The following NCAM2 variants were observed in gnomAD, a reference collection of about 807,000 sequenced individuals.
NCAM2 encodes N-CAM-2.
NCAM2 carries 30 observed loss-of-function variants against 98.1 expected under a neutral mutation model. The ratio of observed to expected loss-of-function variants is 0.31; its 90% confidence interval spans 0.23 to 0.41. NCAM2 has a LOEUF of 0.41. Among genes scored for constraint, NCAM2 ranks in the 10% least tolerant of loss-of-function variants. The probability of loss-of-function intolerance (pLI) is 1.00; values close to 1 mark genes in which losing one functional copy is unlikely to be tolerated. For synonymous variants in NCAM2, 368 were observed against 342.4 expected (o/e 1.07, Z -0.83); for missense variants, 867 against 1,005.8 (o/e 0.86, Z 1.87).
At chr21:21,170,834 AG>A (rs11295988) in intron 1 of NCAM2, among the ~76,000 whole-genome samples, 55,023 of 151,862 alleles carry the variant, frequency 0.36, 10,511 homozygotes, top group Non-Finnish European at 0.44. Flanking sequence ...GTGTTCCTAG[AG>A]GGGGGAAGGC....
chr21:21,037,496 AGTTGATT>A (rs1377586397), intron 1 of NCAM2, among the ~76,000 whole-genome samples: 4 of 152,194 alleles, frequency 2.6e-5, no homozygotes. Flanking sequence ...AATGATTTTT[AGTTGATT>A]ATTCACTTAA....
chr21:21,242,543 T>C (rs2071103453), intron 1 of NCAM2, among the ~76,000 whole-genome samples: 1 of 152,218 alleles, frequency 6.6e-6, no homozygotes, highest in African/African-American at 2.4e-5. Flanking sequence ...TCTCTACTTC[T>C]ATGGGTTCAC....
At chr21:21,134,081 T>C (rs1329088253) in intron 1 of NCAM2, among the ~76,000 whole-genome samples, 44 of 101,968 alleles carry the variant, frequency 4.3e-4, no homozygotes, top group Non-Finnish European at 5.3e-4. Flanking sequence ...TTTTTTTTTT[T>C]CCCCTGAGAT....
intron 9 of NCAM2, among the ~76,000 whole-genome samples, chr21:21,397,779 T>C (rs992817317): frequency 6.6e-6 from 1 of 152,144 alleles, no homozygotes; most frequent in Middle Eastern, 3.2e-3. Context: ...CTCTGTGGAG[T>C]GCACAAACCT....
At chr21:21,203,432 G>T (rs1351302061) in intron 1 of NCAM2, among the ~76,000 whole-genome samples, 1 of 152,056 alleles carries the variant, frequency 6.6e-6, no homozygotes, top group Admixed American at 6.5e-5. Flanking sequence ...TCCACACCTG[G>T]ATTTAATGGC....
intron 12 of NCAM2, among the ~76,000 whole-genome samples, chr21:21,443,565 C>T (rs1023098003): frequency 6.6e-6 from 1 of 151,986 alleles, no homozygotes; most frequent in South Asian, 2.1e-4. Flanking sequence ...GGTCCAATGA[C>T]ATGAATCAAT....
chr21:21,184,674 AC>A (rs2068581910), intron 1 of NCAM2, among the ~76,000 whole-genome samples: 1 of 152,164 alleles, frequency 6.6e-6, no homozygotes, highest in Non-Finnish European at 1.5e-5. Context: ...TATTCAAATA[AC>A]AGTGTCTCTA....
chr21:21,356,847 G>T (rs902091652), intron 8 of NCAM2, among the ~76,000 whole-genome samples: 1 of 152,042 alleles, frequency 6.6e-6, no homozygotes, highest in Non-Finnish European at 1.5e-5. Context: ...AAAATTAGCA[G>T]GGCGTGGTGG....
At chr21:21,519,966 G>T (rs934079063) in intron 16 of NCAM2, among the ~76,000 whole-genome samples, 4 of 151,990 alleles carry the variant, frequency 2.6e-5, no homozygotes, top group African/African-American at 7.2e-5. Context: ...AAAAAATTAA[G>T]ATCAGTGTCA....
At chr21:21,268,686 T>C (rs1159280192) in intron 1 of NCAM2, among the ~76,000 whole-genome samples, 1 of 152,222 alleles carries the variant, frequency 6.6e-6, no homozygotes, top group Non-Finnish European at 1.5e-5. Context: ...ATCTCTCTTC[T>C]GATTCACTTT....
At chr21:21,348,531 A>G (rs1311800769) in intron 8 of NCAM2, among the ~76,000 whole-genome samples, 2 of 152,086 alleles carry the variant, frequency 1.3e-5, no homozygotes, top group Non-Finnish European at 2.9e-5. Flanking sequence ...ACCCAAAGCA[A>G]TCTACAGATT....
chr21:21,431,145 G>T (rs944628377), intron 11 of NCAM2, among the ~76,000 whole-genome samples: 1 of 141,658 alleles, frequency 7.1e-6, no homozygotes, highest in Non-Finnish European at 1.5e-5. Flanking sequence ...GTGTGTGTGT[G>T]TATACATATA....
intron 8 of NCAM2, 106 bp downstream of exon 8, chr21:21,338,640 A>G: frequency 1.7e-6 from 2 of 1,160,150 alleles, no homozygotes; most frequent in South Asian, 3.6e-5. Flanking sequence ...AACTTGTAGG[A>G]TCAAATAAAT....
chr21:21,053,662 T>G (rs2065157263), intron 1 of NCAM2, among the ~76,000 whole-genome samples: 1 of 151,262 alleles, frequency 6.6e-6, no homozygotes, highest in Non-Finnish European at 1.5e-5. Context: ...CCCTCTCATT[T>G]TTTCATTTTT....
rs2068974573 is a variant in NCAM2 at position 21,195,559 on chromosome 21, A to G, written c.56-85019A>G. On this transcript the variant is annotated intron_variant, in intron 1 of 17. Transcript: ENST00000400546. ...ATCCCAAGGGCATAAAACTCTCAAA[A>G]TTGACATTAATATAACAGCATTAGC... is the stretch of plus-strand genomic sequence containing the variant. Among the ~76,000 whole-genome samples the G allele has an allele frequency of 3.3e-5, 5 of 152,204 alleles. No homozygotes were observed. The South Asian group carries it at 1.0e-3, about 31-fold the overall frequency.
At chr21:21,438,192 A>G (rs1445486329) in intron 12 of NCAM2, among the ~76,000 whole-genome samples, 1 of 152,044 alleles carries the variant, frequency 6.6e-6, no homozygotes, top group African/African-American at 2.4e-5. Context: ...GGTAGTAAAT[A>G]TATATGATTT....
At chr21:21,441,887 C>G (rs1230663598) in intron 12 of NCAM2, among the ~76,000 whole-genome samples, 1 of 152,010 alleles carries the variant, frequency 6.6e-6, no homozygotes, top group African/African-American at 2.4e-5. Flanking sequence ...CAGAAAGATA[C>G]GAGGCTAGGC....
intron 1 of NCAM2, among the ~76,000 whole-genome samples, chr21:21,106,536 A>T (rs2066353460): frequency 6.6e-6 from 1 of 151,960 alleles, no homozygotes; most frequent in Admixed American, 6.6e-5. Context: ...TTACAAAGTT[A>T]ATTTCATTAC....
chr21:21,183,955 C>T (rs2068558884), intron 1 of NCAM2, among the ~76,000 whole-genome samples: 1 of 152,078 alleles, frequency 6.6e-6, no homozygotes, highest in Non-Finnish European at 1.5e-5. Context: ...GGATTGAATG[C>T]TGACCACTAC....
Sources: allele counts gnomAD v4.1 joint callset (sites outside exome capture counted in the v4.1 genomes callset), GRCh38; gene constraint gnomAD v4.1.1; transcripts MANE v1.5; gene names NCBI Gene and HGNC (gene_info 2026-07-23, HGNC 2026-07-21).